Variants in PCP4L1 observed in about 807,000 individuals in gnomAD.
PCP4L1 encodes Purkinje cell protein 4-like protein 1.
A neutral mutation model predicts 9.6 loss-of-function variants in PCP4L1; 9 were observed. The ratio of observed to expected loss-of-function variants is 0.94; its 90% confidence interval spans 0.57 to 1.64. PCP4L1 has a LOEUF of 1.64. Ranked by LOEUF, PCP4L1 falls within the 40% of genes most tolerant of loss-of-function variation. The probability of loss-of-function intolerance (pLI) is 0.00; values close to 1 mark genes in which losing one functional copy is unlikely to be tolerated. For synonymous variants in PCP4L1, 31 were observed against 28.2 expected (o/e 1.10, Z -0.31); for missense variants, 81 against 80.8 (o/e 1.00, Z -0.01).
intron 1 of PCP4L1, among the ~76,000 whole-genome samples, chr1:161,281,842 G>A (rs1489474524): frequency 7.9e-6 from 1 of 126,064 alleles, no homozygotes; most frequent in Non-Finnish European, 1.7e-5. Flanking sequence ...CGGGGCAGAG[G>A]CGCTCCCCAC....
Position 161,269,691 on chromosome 1 carries a change from C to T in PCP4L1, c.9+10708C>T, listed in dbSNP as rs144268033. 2.9e-3 allele frequency among the ~76,000 whole-genome samples: 444 copies of T among 152,116 alleles called. 6 individuals carry two copies. The highest frequency in any genetic ancestry group is 0.013 in the South Asian group (65 of 4,816). On this transcript the variant is annotated intron_variant, in intron 1 of 2. Coordinates refer to ENST00000504449, the MANE Select transcript of PCP4L1 (RefSeq NM_001102566.2). ...TAATCAGAGGCTGAACAATGTAGAG[C>T]CTTTTAGGCCGTATTAAGGATTTTG...
intron 1 of PCP4L1, among the ~76,000 whole-genome samples, chr1:161,267,754 C>CTGGAG (rs975361435): frequency 2.6e-5 from 4 of 152,140 alleles, no homozygotes; most frequent in African/African-American, 9.7e-5. Flanking sequence ...GTTGCCTAGG[C>CTGGAG]TGGAGTGGAG....
intron 1 of PCP4L1, among the ~76,000 whole-genome samples, chr1:161,275,647 G>T (rs1331854449): frequency 6.6e-6 from 1 of 151,960 alleles, no homozygotes; most frequent in Non-Finnish European, 1.5e-5. Flanking sequence ...CTAAATCATA[G>T]ATCAGAGTCC....
intron 1 of PCP4L1, among the ~76,000 whole-genome samples, chr1:161,277,468 T>C (rs1270437315): frequency 6.6e-6 from 1 of 151,614 alleles, no homozygotes; most frequent in Non-Finnish European, 1.5e-5. Flanking sequence ...AACTATAAAA[T>C]AGGGTGCCAT....
chr1:161,283,599 T>G, intron 1 of PCP4L1, 69 bp from the exon 2 acceptor site: 1 of 1,420,880 alleles, frequency 7.0e-7, no homozygotes, highest in Non-Finnish European at 9.7e-7. Context: ...ATAAGAGGTC[T>G]AAGGTGATGA....
chr1:161,264,027 A>G (rs1415986623), intron 1 of PCP4L1, among the ~76,000 whole-genome samples: 1 of 144,374 alleles, frequency 6.9e-6, no homozygotes, highest in African/African-American at 2.6e-5. Context: ...CTCCTGCCTC[A>G]GCCTCCCAAG....
Position 161,283,606 on chromosome 1 carries a change from A to C in PCP4L1, c.10-62A>C. The stretch of plus-strand genomic sequence containing the variant: ...GAGAGTATATAAGAGGTCTAAGGTG[A>C]TGATGCCTTCAAATTACTTCCATGA... On this transcript the variant is annotated intron_variant, in intron 1 of 2. Transcript: ENST00000504449. 9 of 1,460,698 alleles carry C rather than the reference A, an allele frequency of 6.2e-6. No individual in the cohort carries two copies. In the South Asian group the frequency reaches 1.1e-4, roughly 18 times the overall value. 90.5% of individuals were successfully genotyped at this position (1,460,698 alleles called of 1,614,324 possible). A position where few individuals can be genotyped will look rare whatever the true frequency, so the allele number is the denominator to read the frequency against.
Position 161,258,893 on chromosome 1 carries a change from T to G in PCP4L1, c.-82T>G. 6.5e-7 allele frequency: 1 copy of G among 1,531,680 alleles called. No individual in the cohort carries two copies. The highest frequency in any genetic ancestry group is 1.2e-5 in the South Asian group (1 of 83,938). 94.9% of individuals were successfully genotyped at this position (1,531,680 alleles called of 1,614,324 possible). Reference sequence around the variant, plus strand: ...CCCCTGCCGCAGAGCCCGGCAACTTTCAGCTGTCGCCCGCGGAGCCCCGAG... The same window carrying G: ...CCCCTGCCGCAGAGCCCGGCAACTTGCAGCTGTCGCCCGCGGAGCCCCGAG... On this transcript the variant is annotated 5_prime_UTR_variant, in exon 1 of 3. Transcript: ENST00000504449.
chr1:161,283,630 G>A (rs770614978), intron 1 of PCP4L1, 38 bp from the exon 2 acceptor site: 7 of 1,540,386 alleles, frequency 4.5e-6, no homozygotes. Flanking sequence ...TTACTTCCAT[G>A]AATATCTAAT....
At chr1:161,273,654 C>T (rs975165051) in intron 1 of PCP4L1, among the ~76,000 whole-genome samples, 6 of 152,136 alleles carry the variant, frequency 3.9e-5, no homozygotes, top group Non-Finnish European at 8.8e-5. Flanking sequence ...TATGGCTGTC[C>T]TCCAGGAGTC....
At chr1:161,283,539 C>A in intron 1 of PCP4L1, 129 bp from the exon 2 acceptor site, 1 of 796,232 alleles carries the variant, frequency 1.3e-6, no homozygotes, top group Non-Finnish European at 2.0e-6. Context: ...TCAAGACTTG[C>A]TTCTTCAAAA....
At chr1:161,283,805 A>G (rs1669862699) in intron 2 of PCP4L1, 83 bp downstream of exon 2, 4 of 1,361,952 alleles carry the variant, frequency 2.9e-6, no homozygotes, top group Admixed American at 2.1e-5. Flanking sequence ...GGAATTTCCT[A>G]AAGTCAGACA....
intron 1 of PCP4L1, among the ~76,000 whole-genome samples, chr1:161,271,989 T>C (rs928621539): frequency 6.7e-6 from 1 of 148,872 alleles, no homozygotes; most frequent in African/African-American, 2.5e-5. Context: ...TTTTTTTTTT[T>C]AGTGGAGACA....
In PCP4L1 at chr1:161,284,508, C is replaced by G; in HGVS notation, c.*27C>G. The G allele has an allele frequency of 6.2e-7, 1 of 1,605,162 alleles. No homozygotes were observed. Among genetic ancestry groups the G allele is most frequent in the Non-Finnish European group, 8.5e-7 (1 of 1,175,640 alleles). On this transcript the variant is annotated 3_prime_UTR_variant, in exon 3 of 3. Transcript: ENST00000504449. ...TGGCCAGGCTTGCCCTTCACCTTCA[C>G]CTTCATGCTGGTCCCTTCTCTCCCC...
chr1:161,268,124 A>G lies in PCP4L1; in HGVS notation c.9+9141A>G, dbSNP rs185077534. ...ATAGTTTGTTGACTCCTGAGTACTA[A>G]TCTCCTTTTCCCTGTGGTGTATAAC... On this transcript the variant is annotated intron_variant, in intron 1 of 2. Transcript: ENST00000504449. 2.0e-5 allele frequency among the ~76,000 whole-genome samples: 3 copies of G among 152,290 alleles called. No individual in the cohort carries two copies. In the East Asian group the frequency reaches 5.8e-4, roughly 29 times the overall value.
intron 1 of PCP4L1, among the ~76,000 whole-genome samples, chr1:161,262,981 C>G (rs1333863213): frequency 6.6e-6 from 1 of 151,968 alleles, no homozygotes; most frequent in Non-Finnish European, 1.5e-5. Context: ...TATCTTTCAC[C>G]CAGAAAACCT....
intron 1 of PCP4L1, among the ~76,000 whole-genome samples, chr1:161,277,693 G>T (rs1669721640): frequency 1.3e-5 from 2 of 152,072 alleles, no homozygotes; most frequent in Non-Finnish European, 2.9e-5. Flanking sequence ...TAGTTGTGTT[G>T]CCTAGGCTGG....
chr1:161,264,807 C>T (rs1303952791), intron 1 of PCP4L1, among the ~76,000 whole-genome samples: 4 of 152,006 alleles, frequency 2.6e-5, no homozygotes, highest in East Asian at 1.9e-4. Flanking sequence ...CCAGCCTGGG[C>T]GATAGAGTGA....
chr1:161,261,374 T>C (rs1394454397), intron 1 of PCP4L1, among the ~76,000 whole-genome samples: 1 of 152,196 alleles, frequency 6.6e-6, no homozygotes, highest in Non-Finnish European at 1.5e-5. Flanking sequence ...GGCTCTTTGC[T>C]GTCACTCATT....
Sources: allele counts gnomAD v4.1 joint callset (sites outside exome capture counted in the v4.1 genomes callset), GRCh38; gene constraint gnomAD v4.1.1; transcripts MANE v1.5; gene names NCBI Gene and HGNC (gene_info 2026-07-23, HGNC 2026-07-21).